Variants in HNF4A observed in about 807,000 individuals in gnomAD.
HNF4A encodes hepatocyte nuclear factor 4-alpha.
Under a neutral mutation model 52.4 loss-of-function variants are expected in HNF4A, and 15 were observed. That is an observed-to-expected ratio of 0.29 (90% CI 0.19 to 0.44). The LOEUF is 0.44. Among genes scored for constraint, HNF4A ranks in the 20% least tolerant of loss-of-function variants. The probability of loss-of-function intolerance (pLI) is 1.00; values close to 1 mark genes in which losing one functional copy is unlikely to be tolerated. For missense variants in HNF4A, 479 were observed against 647.2 expected, an observed-to-expected ratio of 0.74 and a Z score of 2.82; for synonymous variants, 280 against 264.4, an observed-to-expected ratio of 1.06 and a Z score of -0.57.
Position 44,404,982 on chromosome 20 carries a change from GGT to G in HNF4A, c.116-1066_116-1065del, listed in dbSNP as rs796490188. ...GGTGTGTGTGGACTGTGGTGTGTAA[GGT>G]GTGTGTGTGCTTGTGTGTGGTGTGT... On this transcript the variant is annotated intron_variant, in intron 1 of 9. Coordinates refer to ENST00000316099, the MANE Select transcript of HNF4A (RefSeq NM_000457.6). Among the ~76,000 whole-genome samples the G allele has an allele frequency of 1.9e-3, 83 of 43,340 alleles. 2 individuals are homozygous for G. The South Asian group carries it at 0.078, about 41-fold the overall frequency. The allele number at this position is 43,340 out of a possible 152,430, so 28.4% of individuals were successfully genotyped here. A position where few individuals can be genotyped will look rare whatever the true frequency, so the allele number is the denominator to read the frequency against.
At chr20:44,413,623 T>A in intron 3 of HNF4A, 71 bp from the exon 4 acceptor site, 4 of 992,190 alleles carry the variant, frequency 4.0e-6, no homozygotes, top group Non-Finnish European at 6.3e-6. Flanking sequence ...CCACTCCTCA[T>A]CAGTCACAGA....
At chr20:44,370,047 G>A (rs1005392794) in intron 1 of HNF4A, among the ~76,000 whole-genome samples, 3 of 151,802 alleles carry the variant, frequency 2.0e-5, no homozygotes, top group Non-Finnish European at 4.4e-5. Flanking sequence ...TTTGTTTTGC[G>A]ACGGAGTCTC....
rs577430699 is a variant in HNF4A at position 44,368,084 on chromosome 20, ATATG to A, written c.49+12233_49+12236del. On this transcript the variant is annotated intron_variant, in intron 1 of 9. Coordinates refer to the HNF4A transcript ENST00000316673. ...TTTTTTGAGACATAAATATATATAT[ATATG>A]TGTGTGTGTGTGTGTGTGTGTGTAT... 9.5e-3 allele frequency among the ~76,000 whole-genome samples: 981 copies of A among 103,024 alleles called. 23 individuals are homozygous for A. Among genetic ancestry groups the A allele is most frequent in the African/African-American group, 0.034 (938 of 27,326 alleles). The allele number at this position is 103,024 out of a possible 152,430, so 67.6% of individuals were successfully genotyped here.
At chr20:44,407,330 A>G (rs748208417) in intron 2 of HNF4A, 51 bp from the exon 3 acceptor site, 1 of 1,372,116 alleles carries the variant, frequency 7.3e-7, no homozygotes, top group African/African-American at 1.4e-5. Flanking sequence ...GTTCTGTCCT[A>G]AGAGGAGGAA....
intron 1 of HNF4A, among the ~76,000 whole-genome samples, chr20:44,395,971 T>G (rs770832910): frequency 6.6e-6 from 1 of 152,156 alleles, no homozygotes; most frequent in Non-Finnish European, 1.5e-5. Flanking sequence ...TGCCCCTGCC[T>G]ATACCCCGGG....
chr20:44,412,332 G>A (rs1209675220), intron 3 of HNF4A, among the ~76,000 whole-genome samples: 1 of 152,200 alleles, frequency 6.6e-6, no homozygotes, highest in African/African-American at 2.4e-5. Flanking sequence ...TGTTGTGTTA[G>A]ACAGGGTGGC....
chr20:44,373,078 C>T (rs568172155), intron 1 of HNF4A: 1 of 152,206 alleles, frequency 6.6e-6, no homozygotes, highest in Non-Finnish European at 1.5e-5. Flanking sequence ...TATCCTACCA[C>T]TGCGCTTTGC....
chr20:44,400,645 A>C (rs1800963), upstream of HNF4A, among the ~76,000 whole-genome samples: 83,517 of 151,836 alleles, frequency 0.55, 24,127 homozygotes, highest in East Asian at 0.71. Flanking sequence ...TGGGAGACGG[A>C]GAGGGGCAGG....
intron 1 of HNF4A, chr20:44,402,677 C>T (rs2063428001): frequency 7.8e-7 from 1 of 1,274,766 alleles, no homozygotes; most frequent in Non-Finnish European, 1.1e-6. Flanking sequence ...GAAACCCCTC[C>T]TGGAGGGAAG....
intron 1 of HNF4A, among the ~76,000 whole-genome samples, chr20:44,382,049 C>A (rs1441263580): frequency 1.3e-5 from 2 of 152,180 alleles, no homozygotes; most frequent in Non-Finnish European, 2.9e-5. Context: ...ATAGATGAAG[C>A]AAATAAGGCT....
intron 1 of HNF4A, chr20:44,402,551 C>G: frequency 7.3e-7 from 1 of 1,364,046 alleles, no homozygotes; most frequent in Non-Finnish European, 9.8e-7. Context: ...TGTCTCTGAG[C>G]AGATTTTGTT....
intron 1 of HNF4A, among the ~76,000 whole-genome samples, chr20:44,379,730 CTTTTTTTTTTTT>C (rs33924202): frequency 9.1e-6 from 1 of 109,564 alleles, no homozygotes; most frequent in Non-Finnish European, 1.8e-5. Context: ...TTTTCTTTTC[CTTTTTTTTTTTT>C]TTTTTTTTTG....
At chr20:44,411,203 G>A (rs1366645568) in intron 3 of HNF4A, among the ~76,000 whole-genome samples, 1 of 152,096 alleles carries the variant, frequency 6.6e-6, no homozygotes, top group Non-Finnish European at 1.5e-5. Flanking sequence ...ATCTGAAGAG[G>A]CCTTCCTCGG....
chr20:44,379,606 C>A (rs1235628906), intron 1 of HNF4A, among the ~76,000 whole-genome samples: 1 of 151,932 alleles, frequency 6.6e-6, no homozygotes, highest in East Asian at 1.9e-4. Flanking sequence ...GGCTGGAGTG[C>A]AGTAGTGCAG....
rs3746575 is a variant in HNF4A, at chr20:44,429,456, C to G, written c.1283-67C>G. 0.59 allele frequency: 939,365 copies of G among 1,595,626 alleles called. 279,916 individuals carry two copies. Among genetic ancestry groups the G allele is most frequent in the Middle Eastern group, 0.68 (3,977 of 5,856 alleles). On this transcript the variant is annotated intron_variant, in intron 9 of 9. Coordinates refer to ENST00000316099, the MANE Select transcript of HNF4A (RefSeq NM_000457.6). ...GGTGGGAGGGGAGAACTTTCCCGGG[C>G]CTCTTCATTTACTCCCACAAAGGCT...
chr20:44,362,447 C>T (rs773215586), intron 1 of HNF4A, among the ~76,000 whole-genome samples: 7 of 145,482 alleles, frequency 4.8e-5, no homozygotes, highest in Non-Finnish European at 1.1e-4. Flanking sequence ...AAAAAGCATG[C>T]TGAGATGCTT....
At chr20:44,368,160 A>ATATATATAT (rs1200638153) in intron 1 of HNF4A, among the ~76,000 whole-genome samples, 2 of 27,780 alleles carry the variant, frequency 7.2e-5, no homozygotes, top group Non-Finnish European at 1.2e-4. Context: ...ATATATATAT[A>ATATATATAT]TTTTTTTTTT....
intron 1 of HNF4A, chr20:44,389,596 T>A (rs1042536963): frequency 2.0e-4 from 31 of 152,262 alleles, no homozygotes; most frequent in African/African-American, 7.0e-4. Flanking sequence ...ACGCAGAAGG[T>A]GCTGAATAAA....
intron 1 of HNF4A, among the ~76,000 whole-genome samples, chr20:44,403,386 A>G (rs548976935): frequency 5.9e-5 from 9 of 152,334 alleles, no homozygotes; most frequent in Non-Finnish European, 1.0e-4. Context: ...AGGGCTGGCC[A>G]GAGGATAAAT....
Sources: allele counts gnomAD v4.1 joint callset (sites outside exome capture counted in the v4.1 genomes callset), GRCh38; gene constraint gnomAD v4.1.1; transcripts MANE v1.5; gene names NCBI Gene and HGNC (gene_info 2026-07-23, HGNC 2026-07-21).